Variants in PLD5 observed in about 807,000 individuals in gnomAD.
PLD5 encodes the protein phospholipase D family member 5, also known as inactive phospholipase D5.
PLD5 carries 36 observed loss-of-function variants against 61.1 expected under a neutral mutation model. That is an observed-to-expected ratio of 0.59 (90% CI 0.45 to 0.78). PLD5 has a LOEUF of 0.78. Among genes scored for constraint, PLD5 ranks in the 30% least tolerant of loss-of-function variants. The pLI, the probability that PLD5 is intolerant of heterozygous loss-of-function variation, is 0.00. For missense variants in PLD5, 515 were observed against 644.4 expected (o/e 0.80, Z 2.17); for synonymous variants, 243 against 242.8 (o/e 1.00, Z -0.01).
chr1:242,446,251 T>TA (rs552609598), intron 1 of PLD5, among the ~76,000 whole-genome samples: 179 of 150,768 alleles, frequency 1.2e-3, no homozygotes, highest in African/African-American at 4.1e-3. Context: ...ATAATAAAAA[T>TA]AAAATAAAAT....
intron 1 of PLD5, among the ~76,000 whole-genome samples, chr1:242,487,020 A>G (rs372602803): frequency 1.3e-5 from 2 of 151,914 alleles, no homozygotes; most frequent in East Asian, 1.9e-4. Context: ...ATAAGAACAC[A>G]TGGACACCGG....
intron 2 of PLD5, among the ~76,000 whole-genome samples, chr1:242,327,195 C>T (rs900047703): frequency 7.2e-5 from 11 of 151,902 alleles, no homozygotes; most frequent in East Asian, 1.9e-4. Context: ...TTTGTAGAAA[C>T]GGGGTCTCAC....
intron 2 of PLD5, among the ~76,000 whole-genome samples, chr1:242,319,103 G>A (rs1405906294): frequency 1.3e-5 from 2 of 152,076 alleles, no homozygotes; most frequent in East Asian, 3.9e-4. Context: ...CAGTTCCCAG[G>A]GTTGTTTGTG....
At chr1:242,229,201 G>A (rs1420205080) in intron 4 of PLD5, among the ~76,000 whole-genome samples, 2 of 152,154 alleles carry the variant, frequency 1.3e-5, no homozygotes, top group Non-Finnish European at 2.9e-5. Flanking sequence ...AAACATGCTA[G>A]TACACTGTGG....
At chr1:242,110,186 C>G (rs1326208144) in intron 7 of PLD5, among the ~76,000 whole-genome samples, 1 of 151,570 alleles carries the variant, frequency 6.6e-6, no homozygotes, top group Non-Finnish European at 1.5e-5. Context: ...ATCATTAGTT[C>G]CAATACTGAA....
intron 5 of PLD5, among the ~76,000 whole-genome samples, chr1:242,151,666 T>A (rs552671229): frequency 2.8e-4 from 42 of 152,222 alleles, no homozygotes; most frequent in African/African-American, 9.6e-4. Flanking sequence ...TGCTTGATGG[T>A]TTCTGAGCTT....
At chr1:242,527,906 T>C (rs1669482999), upstream of PLD5, among the ~76,000 whole-genome samples, 1 of 152,190 alleles carries the variant, frequency 6.6e-6, no homozygotes, top group Non-Finnish European at 1.5e-5. Context: ...TCATAGCCAT[T>C]ACATTTTCTG....
rs192542748 is a variant in PLD5, at chr1:242,266,337, C to T, written c.496-889G>A. 2.4e-3 allele frequency among the ~76,000 whole-genome samples: 367 copies of T among 152,258 alleles called. 3 individuals are homozygous for T. Among genetic ancestry groups the T allele is most frequent in the African/African-American group, 8.5e-3 (353 of 41,556 alleles). On this transcript the variant is annotated intron_variant, in intron 3 of 9. Coordinates refer to ENST00000536534, the MANE Select transcript of PLD5 (RefSeq NM_001372062.1). ...CAGAGGTTACAGTGAACCAAGGTTG[C>T]ACCAGAGCACTCCAGCCTGGGCGAC...
intron 1 of PLD5, among the ~76,000 whole-genome samples, chr1:242,407,448 C>T (rs1234096064): frequency 1.3e-5 from 2 of 152,142 alleles, no homozygotes; most frequent in African/African-American, 2.4e-5. Flanking sequence ...ATCCCTCTGA[C>T]TATGCTCCAG....
chr1:242,377,095 G>C, intron 1 of PLD5: 1 of 1,611,700 alleles, frequency 6.2e-7, no homozygotes, highest in Admixed American at 1.7e-5. Context: ...TTCTCCTGTT[G>C]GTTATCTTCC....
chr1:242,500,730 T>A (rs1346192822), intron 1 of PLD5, among the ~76,000 whole-genome samples: 1 of 151,832 alleles, frequency 6.6e-6, no homozygotes, highest in Non-Finnish European at 1.5e-5. Flanking sequence ...GCCTAAAACA[T>A]CCAAAATTGA....
chr1:242,467,623 ATCT>A (rs1394312646), intron 1 of PLD5, among the ~76,000 whole-genome samples: 1 of 152,216 alleles, frequency 6.6e-6, no homozygotes, highest in Non-Finnish European at 1.5e-5. Context: ...CAGAAATATG[ATCT>A]TCTTCATTAA....
At chr1:242,237,654 G>A (rs1362952321) in intron 4 of PLD5, among the ~76,000 whole-genome samples, 3 of 152,156 alleles carry the variant, frequency 2.0e-5, no homozygotes, top group Non-Finnish European at 4.4e-5. Context: ...GCCCTGGCCT[G>A]GGCTGGTGGT....
intron 1 of PLD5, among the ~76,000 whole-genome samples, chr1:242,390,107 G>A (rs1023507010): frequency 6.6e-6 from 1 of 151,192 alleles, no homozygotes; most frequent in East Asian, 1.9e-4. Flanking sequence ...CTCCCAGGCT[G>A]GAGTGCAGTG....
At chr1:242,291,755 C>T (rs556637322) in intron 2 of PLD5, among the ~76,000 whole-genome samples, 2 of 151,922 alleles carry the variant, frequency 1.3e-5, no homozygotes, top group Non-Finnish European at 2.9e-5. Flanking sequence ...TGCAGTGAAC[C>T]GAGATTGTAC....
chr1:242,419,381 T>G (rs2580233), intron 1 of PLD5, among the ~76,000 whole-genome samples: 6 of 115,172 alleles, frequency 5.2e-5, no homozygotes, highest in African/African-American at 2.2e-4. Context: ...GCAGTCCTGA[T>G]TTTTGTTTTT....
chr1:242,524,064 C>CT, intron 1 of PLD5, 24 bp downstream of exon 1: 1 of 1,525,724 alleles, frequency 6.6e-7, no homozygotes, highest in South Asian at 1.2e-5. Context: ...CTGGCCGAGG[C>CT]CCCCGGGAGC....
intron 2 of PLD5, among the ~76,000 whole-genome samples, chr1:242,328,213 TCCA>T (rs1160189986): frequency 6.6e-6 from 1 of 152,180 alleles, no homozygotes; most frequent in African/African-American, 2.4e-5. Flanking sequence ...CTTGTGATTC[TCCA>T]CAGGACACAA....
In PLD5 at chr1:242,472,632, G is replaced by C; in HGVS notation, c.189+51456C>G. Among the ~76,000 whole-genome samples the C allele has an allele frequency of 1.3e-5, 2 of 152,198 alleles. 1 individual carries two copies. Among genetic ancestry groups the C allele is most frequent in the Non-Finnish European group, 2.9e-5 (2 of 68,038 alleles). ...TCTCAATTATGAACTGGTGTAGTCT[G>C]TTAAATGCAGCAGTCGCTTTGGCTT... On this transcript the variant is annotated intron_variant, in intron 1 of 9. Coordinates refer to ENST00000536534, the MANE Select transcript of PLD5 (RefSeq NM_001372062.1).
Sources: allele counts gnomAD v4.1 joint callset (sites outside exome capture counted in the v4.1 genomes callset), GRCh38; gene constraint gnomAD v4.1.1; transcripts MANE v1.5; gene names NCBI Gene and HGNC (gene_info 2026-07-23, HGNC 2026-07-21).